The following TTC28 variants were observed in gnomAD, a reference collection of about 807,000 sequenced individuals.
TTC28 encodes tetratricopeptide repeat domain 28, also known as tetratricopeptide repeat protein 28.
Under a neutral mutation model 198.0 loss-of-function variants are expected in TTC28, and 61 were observed. The ratio of observed to expected loss-of-function variants is 0.31; its 90% CI spans 0.25 to 0.38. TTC28 has a LOEUF of 0.38. Ranked by LOEUF, TTC28 falls within the 10% of genes least tolerant of loss-of-function variation. The pLI is 1.00. For synonymous variants in TTC28, 1,171 were observed against 1,297.8 expected (o/e 0.90, Z 2.10); for missense variants, 2,678 against 3,164.0 (o/e 0.85, Z 3.69).
intron 2 of TTC28, among the ~76,000 whole-genome samples, chr22:28,320,624 C>T (rs1488428293): frequency 1.3e-5 from 2 of 152,070 alleles, no homozygotes; most frequent in Non-Finnish European, 1.5e-5. Context: ...ATTAATTTAA[C>T]ATTAATTTTG....
intron 14 of TTC28, chr22:28,006,517 T>C (rs1478063635): frequency 6.6e-6 from 1 of 152,260 alleles, no homozygotes; most frequent in Non-Finnish European, 1.5e-5. Context: ...CAAACATTCA[T>C]GTGGCTAAAA....
At chr22:28,602,230 T>C (rs142074899) in intron 2 of TTC28, among the ~76,000 whole-genome samples, 3 of 152,308 alleles carry the variant, frequency 2.0e-5, no homozygotes, top group Non-Finnish European at 4.4e-5. Flanking sequence ...CCCAAATAAG[T>C]TGCCTGTAAT....
intron 14 of TTC28, chr22:28,007,943 C>T (rs1282712822): frequency 1.3e-5 from 2 of 152,032 alleles, no homozygotes; most frequent in African/African-American, 4.8e-5. Flanking sequence ...TGATGTCTGT[C>T]CTCATTTGAA....
At chr22:28,597,825 TCTGTCACCCAGG>T (rs1318764919) in intron 2 of TTC28, among the ~76,000 whole-genome samples, 1 of 152,106 alleles carries the variant, frequency 6.6e-6, no homozygotes, top group African/African-American at 2.4e-5. Context: ...AGGGTTTTGC[TCTGTCACCCAGG>T]CTGGAGTGCA....
intron 6 of TTC28, among the ~76,000 whole-genome samples, chr22:28,146,720 T>C (rs891542973): frequency 4.6e-5 from 7 of 152,346 alleles, no homozygotes; most frequent in African/African-American, 1.7e-4. Flanking sequence ...GAACCTTCCA[T>C]TTGAATCAGG....
At chr22:28,009,601 G>A (rs759085613) in intron 14 of TTC28, among the ~76,000 whole-genome samples, 15 of 152,274 alleles carry the variant, frequency 9.9e-5, no homozygotes, top group Admixed American at 6.5e-5. Context: ...CGCAGGTGAC[G>A]GGTGCCAAAC....
At chr22:28,271,400 T>C (rs933067944) in intron 5 of TTC28, among the ~76,000 whole-genome samples, 5 of 152,206 alleles carry the variant, frequency 3.3e-5, no homozygotes, top group African/African-American at 1.2e-4. Context: ...CTGGCAGTAT[T>C]CTTTATTAAT....
chr22:28,388,163 G>C (rs892089374), intron 2 of TTC28, among the ~76,000 whole-genome samples: 3 of 152,076 alleles, frequency 2.0e-5, no homozygotes, highest in Non-Finnish European at 2.9e-5. Flanking sequence ...GTAGATATGC[G>C]GCGTTATTTC....
chr22:28,440,842 T>C (rs1009558300), intron 2 of TTC28, among the ~76,000 whole-genome samples: 1 of 152,196 alleles, frequency 6.6e-6, no homozygotes, highest in Non-Finnish European at 1.5e-5. Context: ...CTACCAGAGT[T>C]GGATATCTAA....
At chr22:28,088,100 T>C (rs1281700787) in intron 12 of TTC28, among the ~76,000 whole-genome samples, 3 of 152,140 alleles carry the variant, frequency 2.0e-5, no homozygotes, top group East Asian at 3.8e-4. Flanking sequence ...AGGTAATTTA[T>C]AGATTCAATG....
intron 5 of TTC28, among the ~76,000 whole-genome samples, chr22:28,173,876 T>C (rs1400959077): frequency 6.6e-6 from 1 of 152,210 alleles, no homozygotes; most frequent in Non-Finnish European, 1.5e-5. Context: ...ATAAGGGTTA[T>C]ATTTTGTGGG....
intron 12 of TTC28, among the ~76,000 whole-genome samples, chr22:28,073,126 C>G (rs1941053743): frequency 6.6e-6 from 1 of 152,052 alleles, no homozygotes; most frequent in African/African-American, 2.4e-5. Flanking sequence ...AAATCAACAG[C>G]AACAAATGAA....
At chr22:28,338,469 G>T (rs1294180346) in intron 2 of TTC28, among the ~76,000 whole-genome samples, 1 of 151,224 alleles carries the variant, frequency 6.6e-6, no homozygotes, top group South Asian at 2.1e-4. Flanking sequence ...ATGACTTTCA[G>T]GTACACCAAT....
At chr22:28,563,613 C>T (rs754841902) in intron 2 of TTC28, among the ~76,000 whole-genome samples, 1 of 152,180 alleles carries the variant, frequency 6.6e-6, no homozygotes, top group East Asian at 1.9e-4. Flanking sequence ...TACCACCTTA[C>T]ACCTACTAGA....
intron 12 of TTC28, among the ~76,000 whole-genome samples, chr22:28,083,940 G>A (rs1941461236): frequency 6.6e-6 from 1 of 152,260 alleles, no homozygotes; most frequent in South Asian, 2.1e-4. Context: ...AGATCAAACT[G>A]CAAGGCGGAA....
At chr22:28,028,370 A>G (rs1938921996) in intron 13 of TTC28, among the ~76,000 whole-genome samples, 2 of 152,216 alleles carry the variant, frequency 1.3e-5, no homozygotes, top group African/African-American at 2.4e-5. Flanking sequence ...CACTGGAGCT[A>G]TTGCAGGGCT....
intron 12 of TTC28, among the ~76,000 whole-genome samples, chr22:28,068,754 T>C (rs1444393131): frequency 6.6e-6 from 1 of 152,216 alleles, no homozygotes; most frequent in Non-Finnish European, 1.5e-5. Flanking sequence ...ATTATTTCTT[T>C]CATGATGTGG....
chr22:28,487,849 T>C (rs1214412004), intron 2 of TTC28, among the ~76,000 whole-genome samples: 1 of 152,206 alleles, frequency 6.6e-6, no homozygotes, highest in African/African-American at 2.4e-5. Context: ...TACCTACCTT[T>C]TATAAAGGAT....
chr22:28,417,604 T>G (rs2047187844), intron 2 of TTC28, among the ~76,000 whole-genome samples: 1 of 152,232 alleles, frequency 6.6e-6, no homozygotes, highest in African/African-American at 2.4e-5. Flanking sequence ...TTTATCTACC[T>G]ACCAAACACT....
Sources: allele counts gnomAD v4.1 joint callset (sites outside exome capture counted in the v4.1 genomes callset), GRCh38; gene constraint gnomAD v4.1.1; transcripts MANE v1.5; gene names NCBI Gene and HGNC (gene_info 2026-07-23, HGNC 2026-07-21).